Variants in ARID2 observed in about 807,000 individuals in gnomAD.
ARID2 encodes AT-rich interaction domain 2, also known as AT-rich interactive domain-containing protein 2.
In ARID2, 32 loss-of-function variants were observed where a neutral mutation model predicts 184.6. The observed-to-expected ratio is 0.17, with a 90% CI of 0.13 to 0.23. The LOEUF (loss-of-function observed/expected upper bound fraction) is 0.23. Among genes scored for constraint, ARID2 ranks in the 10% least tolerant of loss-of-function variants. ARID2 has a pLI of 1.00. For synonymous variants in ARID2, 836 were observed against 772.6 expected (o/e 1.08, Z -1.36); for missense variants, 1,696 against 2,197.6 (o/e 0.77, Z 4.56).
rs759495769 is a variant in ARID2, at chr12:45,850,311, G to A, written c.2188G>A (p.Val730Ile). ...QNSIPQTGVP[V>I]SIAVGGGPPQ... ...TTCCATACCCCAGACAGGAGTTCCTGTTAGTATTGCTGTTGGAGGAGGACC... is the reference window on the plus strand; with the variant it reads ...TTCCATACCCCAGACAGGAGTTCCTATTAGTATTGCTGTTGGAGGAGGACC... The change falls in exon 15 of 21, where the codon GTT becomes ATT. Residue 730 changes from valine to isoleucine, a missense_variant. Physicochemically the swap from Val to Ile is conservative, Grantham distance 29. Coordinates refer to ENST00000334344, the MANE Select transcript of ARID2 (RefSeq NM_152641.4). 1.2e-6 allele frequency: 2 copies of A among 1,614,072 alleles called. No homozygotes were observed. Among genetic ancestry groups the A allele is most frequent in the South Asian group, 2.2e-5 (2 of 91,080 alleles).
chr12:45,736,167 C>G (rs1312110654), intron 3 of ARID2, among the ~76,000 whole-genome samples: 3 of 152,086 alleles, frequency 2.0e-5, no homozygotes, highest in African/African-American at 4.8e-5. Context: ...ACCAGTCTGG[C>G]TAACACAGTG....
chr12:45,837,671 G>T lies in ARID2; in HGVS notation c.1294G>T (p.Ala432Ser), dbSNP rs1386577441. 4 of 1,613,622 alleles carry T rather than the reference G, an allele frequency of 2.5e-6. No homozygotes were observed. Among genetic ancestry groups the T allele is most frequent in the Admixed American group, 1.7e-5 (1 of 59,986 alleles). Residue 432 changes from alanine to serine, a missense_variant, in exon 10 of 21, where the codon GCT (alanine) becomes TCT (serine). Ala to Ser is a moderately conservative substitution (Grantham distance 99). This residue lies in a region of ARID2 where 86 missense variants were observed against 200.8 expected (regional missense o/e 0.43). Coordinates refer to ENST00000334344, the MANE Select transcript of ARID2 (RefSeq NM_152641.4). ...CATGCTCACGGAAATGGGAGATGTT[G>T]CTTGCACAAAAATTGCAAAAGTAGA... ...LYMLTEMGDV[A>S]CTKIAKVEKS...
chr12:45,730,242 G>A (rs1303509659), intron 2 of ARID2, 105 bp downstream of exon 2: 10 of 1,078,182 alleles, frequency 9.3e-6, no homozygotes, highest in Admixed American at 2.7e-5. Flanking sequence ...GCCCGCGGGG[G>A]CAAAAGGCGT....
chr12:45,830,313 G>A (rs1943090802), intron 6 of ARID2, among the ~76,000 whole-genome samples: 1 of 152,084 alleles, frequency 6.6e-6, no homozygotes, highest in African/African-American at 2.4e-5. Context: ...CATCTACAGA[G>A]AAATACTGGT....
chr12:45,730,134 G>C lies in ARID2; in HGVS notation c.183G>C (p.Ala61=), dbSNP rs1157615141. Reference sequence around the variant, plus strand: ...GAGTCACTACTTTAGGCGGATTCGCGAAGGTGAGTGGAAGTTTTAATTTGT... The same window carrying C: ...GAGTCACTACTTTAGGCGGATTCGCCAAGGTGAGTGGAAGTTTTAATTTGT... The part of the protein sequence containing the change: ...YTRVTTLGGF[A]KVSEKNQWGE... Residue 61 remains alanine, a synonymous_variant, in exon 2 of 21, where the codon GCG becomes GCC. Coordinates refer to ENST00000334344, the MANE Select transcript of ARID2 (RefSeq NM_152641.4). 2 of 1,612,582 alleles carry C rather than the reference G, an allele frequency of 1.2e-6. No individual in the cohort carries two copies. The highest frequency in any genetic ancestry group is 2.7e-5 in the African/African-American group (2 of 74,892).
chr12:45,867,602 G>T (rs1943851040), intron 16 of ARID2, among the ~76,000 whole-genome samples: 1 of 151,782 alleles, frequency 6.6e-6, no homozygotes, highest in Non-Finnish European at 1.5e-5. Flanking sequence ...AATTAGCCGG[G>T]CATGGTGGCG....
At chr12:45,893,339 G>C (rs1460891000) in intron 18 of ARID2, 81 bp from the exon 19 acceptor site, 1 of 1,489,672 alleles carries the variant, frequency 6.7e-7, no homozygotes, top group East Asian at 2.5e-5. Flanking sequence ...GCTTAAAGGG[G>C]TTGGCAGGGT....
Position 45,891,762 on chromosome 12 carries a change from T to C in ARID2, c.4923-18T>C, listed in dbSNP as rs756586153. ...TACTTGAATACATCCAAGTGTCTAC[T>C]ACTTTTATTTTTTATAGGTGGTTTC... On this transcript the variant is annotated intron_variant, in intron 16 of 20. Transcript: ENST00000334344. The C allele has an allele frequency of 1.2e-6, 2 of 1,608,642 alleles. No homozygotes were observed. Among genetic ancestry groups the C allele is most frequent in the Admixed American group, 3.4e-5 (2 of 58,550 alleles).
chr12:45,751,989 T>C (rs371988828), intron 3 of ARID2, among the ~76,000 whole-genome samples: 4 of 152,234 alleles, frequency 2.6e-5, no homozygotes, highest in East Asian at 3.8e-4. Context: ...ATTTTAGATA[T>C]ATTTCTAAAG....
At position 45,820,717 on chromosome 12, in the gene ARID2, T is replaced by C. The variant is rs375749320; in HGVS notation, c.638-703T>C. Among the ~76,000 whole-genome samples the C allele has an allele frequency of 2.3e-3, 346 of 152,300 alleles. 12 individuals carry two copies. The South Asian group carries it at 0.068, about 30-fold the overall frequency. On this transcript the variant is annotated intron_variant, in intron 5 of 20. Transcript: ENST00000334344. ...TACTGCTTTATAGTCTGATCCCATA[T>C]TGACAATTCGAGCTAGCAGCATGAA...
At chr12:45,796,160 CT>C (rs1234795679) in intron 3 of ARID2, among the ~76,000 whole-genome samples, 11 of 151,778 alleles carry the variant, frequency 7.2e-5, no homozygotes, top group African/African-American at 2.7e-4. Context: ...CTGTTTACTC[CT>C]TTTTCCTTGA....
In ARID2 at chr12:45,825,915, T is replaced by C. The variant is rs557959654; in HGVS notation, c.705+4428T>C. On this transcript the variant is annotated intron_variant, in intron 6 of 20. Coordinates refer to ENST00000334344, the MANE Select transcript of ARID2 (RefSeq NM_152641.4). The stretch of plus-strand genomic sequence containing the variant: ...GAAACTTTCATGTAGATCAGTATGA[T>C]TTATTGAATTTTTTGTAGATTTTAG... Among the ~76,000 whole-genome samples, 8 of 152,104 alleles carry C rather than the reference T, an allele frequency of 5.3e-5. No individual in the cohort carries two copies. The East Asian group carries it at 1.5e-3, about 29-fold the overall frequency.
chr12:45,840,102 T>C (rs1417172705), intron 11 of ARID2: 1 of 152,222 alleles, frequency 6.6e-6, no homozygotes, highest in Non-Finnish European at 1.5e-5. Context: ...TTGAACTCCT[T>C]CCACTGGCTC....
At chr12:45,732,779 A>C (rs1305646779) in intron 3 of ARID2, among the ~76,000 whole-genome samples, 2 of 152,150 alleles carry the variant, frequency 1.3e-5, no homozygotes, top group Non-Finnish European at 2.9e-5. Flanking sequence ...GATTGACTTA[A>C]GTTTTATAAC....
intron 3 of ARID2, among the ~76,000 whole-genome samples, chr12:45,734,704 A>T (rs1941075486): frequency 6.6e-6 from 1 of 152,162 alleles, no homozygotes; most frequent in Non-Finnish European, 1.5e-5. Flanking sequence ...TCTTTGCCTA[A>T]TGTGTTCCAT....
At chr12:45,839,535 A>AG (rs1259432528) in intron 11 of ARID2, 39 bp downstream of exon 11, 2 of 1,575,408 alleles carry the variant, frequency 1.3e-6, no homozygotes, top group Admixed American at 3.8e-5. Context: ...TGTGGTTACG[A>AG]GTGTATAAGA....
At chr12:45,738,240 T>G (rs186071947) in intron 3 of ARID2, among the ~76,000 whole-genome samples, 2 of 152,352 alleles carry the variant, frequency 1.3e-5, no homozygotes. Flanking sequence ...GTAATAATAC[T>G]AACAATAACC....
intron 16 of ARID2, among the ~76,000 whole-genome samples, chr12:45,888,189 C>A (rs1483578640): frequency 7.1e-6 from 1 of 141,238 alleles, no homozygotes. Flanking sequence ...AGCGAGACTC[C>A]GTCTCAAAAA....
chr12:45,884,166 G>A (rs1944146496), intron 16 of ARID2, among the ~76,000 whole-genome samples: 1 of 152,132 alleles, frequency 6.6e-6, no homozygotes, highest in Non-Finnish European at 1.5e-5. Context: ...GGATACTGAG[G>A]TGTGCAGATT....
Sources: allele counts gnomAD v4.1 joint callset (sites outside exome capture counted in the v4.1 genomes callset), GRCh38; gene constraint gnomAD v4.1.1; regional missense constraint gnomAD v4.1.1; transcripts MANE v1.5; gene names NCBI Gene and HGNC (gene_info 2026-07-23, HGNC 2026-07-21).